Variants in UBAC2 observed in about 807,000 individuals in gnomAD.
The protein encoded by UBAC2 is UBA domain containing 2.
In UBAC2, 26 loss-of-function variants were observed where a neutral mutation model predicts 44.0. The ratio of observed to expected loss-of-function variants is 0.59; its 90% confidence interval spans 0.43 to 0.82. The LOEUF is 0.82. Among genes scored for constraint, UBAC2 ranks in the 40% least tolerant of loss-of-function variants. The pLI, the probability that UBAC2 is intolerant of heterozygous loss-of-function variation, is 0.00. For missense variants in UBAC2, 329 were observed against 419.4 expected, an observed-to-expected ratio of 0.78 and a Z score of 1.88; for synonymous variants, 155 against 154.3, an observed-to-expected ratio of 1.00 and a Z score of -0.04.
At chr13:99,237,566 G>A (rs776288248) in intron 1 of UBAC2, among the ~76,000 whole-genome samples, 2 of 152,192 alleles carry the variant, frequency 1.3e-5, no homozygotes, top group Non-Finnish European at 2.9e-5. Flanking sequence ...GTGTTCAGTA[G>A]GTCAGGAGCG....
At chr13:99,306,527 A>T (rs1160979870) in intron 4 of UBAC2, among the ~76,000 whole-genome samples, 1 of 152,048 alleles carries the variant, frequency 6.6e-6, no homozygotes, top group Non-Finnish European at 1.5e-5. Flanking sequence ...CTCCCCCAAC[A>T]CACACACAAA....
Position 99,242,839 on chromosome 13 carries a change from C to A in UBAC2, c.160-993C>A, listed in dbSNP as rs542587343. Reference sequence around the variant, plus strand: ...GGGGCTCCTCACTTCTCAGACGGGGCGGCCGGGCAGAGACGCTCCTCACCT... The same window carrying A: ...GGGGCTCCTCACTTCTCAGACGGGGAGGCCGGGCAGAGACGCTCCTCACCT... On this transcript the variant is annotated intron_variant, in intron 2 of 8. Transcript: ENST00000403766. 4.2e-3 allele frequency among the ~76,000 whole-genome samples: 611 copies of A among 145,944 alleles called. 2 individuals are homozygous for A. The highest frequency in any genetic ancestry group is 0.015 in the Middle Eastern group (4 of 274).
intron 1 of UBAC2, among the ~76,000 whole-genome samples, chr13:99,227,285 C>G (rs925780313): frequency 1.3e-5 from 2 of 152,128 alleles, no homozygotes; most frequent in Non-Finnish European, 2.9e-5. Flanking sequence ...ATCAGGAACC[C>G]GAGACAAGGC....
Position 99,268,918 on chromosome 13 carries a change from GA to G in UBAC2, c.389+24297del, listed in dbSNP as rs560511072. Among the ~76,000 whole-genome samples, 295 of 152,306 alleles carry G rather than the reference GA, an allele frequency of 1.9e-3. 3 individuals are homozygous for G. Among genetic ancestry groups the G allele is most frequent in the Non-Finnish European group, 3.0e-3 (203 of 68,024 alleles). ...CAGGCATTGCTTACCCCAGAGAGAA[GA>G]AACTGGGGCAGAACTGTCTTCCACT... On this transcript the variant is annotated intron_variant, in intron 4 of 8. Coordinates refer to ENST00000403766, the MANE Select transcript of UBAC2 (RefSeq NM_001144072.2).
At chr13:99,370,661 G>A (rs540013895) in intron 8 of UBAC2, among the ~76,000 whole-genome samples, 3 of 152,314 alleles carry the variant, frequency 2.0e-5, no homozygotes, top group Admixed American at 2.0e-4. Flanking sequence ...GTGCCCCTGG[G>A]CAGGGATCTC....
chr13:99,203,811 G>A (rs2042835411), intron 1 of UBAC2, among the ~76,000 whole-genome samples: 1 of 152,198 alleles, frequency 6.6e-6, no homozygotes, highest in Non-Finnish European at 1.5e-5. Context: ...GGCTCAGATG[G>A]TGTGAAGGAG....
intron 1 of UBAC2, chr13:99,234,440 T>G (rs2043212363): frequency 5.4e-6 from 1 of 185,786 alleles, no homozygotes; most frequent in Admixed American, 5.9e-5. Flanking sequence ...TCCGCCCGCC[T>G]CAGCCTCCCA....
intron 4 of UBAC2, among the ~76,000 whole-genome samples, chr13:99,285,113 GTTACC>G (rs1244832517): frequency 6.6e-6 from 1 of 151,908 alleles, no homozygotes; most frequent in Non-Finnish European, 1.5e-5. Context: ...TAACCATAAT[GTTACC>G]TTACCTAACA....
chr13:99,261,445 G>A (rs1390349531), intron 4 of UBAC2, among the ~76,000 whole-genome samples: 1 of 152,156 alleles, frequency 6.6e-6, no homozygotes, highest in Non-Finnish European at 1.5e-5. Context: ...TAAATGTGTG[G>A]TTTTTCTTAA....
In UBAC2 at chr13:99,329,968, C is replaced by T. The variant is rs545972415; in HGVS notation, c.562-10352C>T. 8.7e-4 allele frequency among the ~76,000 whole-genome samples: 132 copies of T among 152,332 alleles called. 1 individual carries two copies. Among genetic ancestry groups the T allele is most frequent in the African/African-American group, 2.9e-3 (122 of 41,562 alleles). ...AACAATCTTAACAGTATTGAGTTCT[C>T]CAATGCACGAACGTGATAAGTCTCT... On this transcript the variant is annotated intron_variant, in intron 6 of 8. Coordinates refer to ENST00000403766, the MANE Select transcript of UBAC2 (RefSeq NM_001144072.2).
At chr13:99,349,028 T>C (rs2045036548) in intron 7 of UBAC2, among the ~76,000 whole-genome samples, 1 of 152,144 alleles carries the variant, frequency 6.6e-6, no homozygotes, top group South Asian at 2.1e-4. Flanking sequence ...CAGTGAAAAT[T>C]CTGTGTGCTC....
At chr13:99,384,843 G>A (rs1254555837) in intron 8 of UBAC2, among the ~76,000 whole-genome samples, 1 of 152,228 alleles carries the variant, frequency 6.6e-6, no homozygotes, top group Admixed American at 6.5e-5. Flanking sequence ...CCAGGAGTGC[G>A]ATGCCAGGGC....
At chr13:99,248,653 G>A (rs1362695341) in intron 4 of UBAC2, among the ~76,000 whole-genome samples, 1 of 152,160 alleles carries the variant, frequency 6.6e-6, no homozygotes, top group Non-Finnish European at 1.5e-5. Flanking sequence ...AAAGTGCTGG[G>A]ATTACAGGCG....
intron 6 of UBAC2, among the ~76,000 whole-genome samples, chr13:99,333,261 G>A (rs754349070): frequency 2.6e-5 from 4 of 152,212 alleles, no homozygotes; most frequent in Non-Finnish European, 5.9e-5. Flanking sequence ...AGGGTTTTAA[G>A]CACTTTATAT....
Position 99,364,476 on chromosome 13 carries a change from C to T in UBAC2, c.808-3311C>T, listed in dbSNP as rs182747379. Among the ~76,000 whole-genome samples the T allele has an allele frequency of 1.9e-4, 29 of 151,530 alleles. 1 individual carries two copies. The highest frequency in any genetic ancestry group is 1.5e-3 in the Admixed American group (23 of 15,188). On this transcript the variant is annotated intron_variant, in intron 7 of 8. Coordinates refer to ENST00000403766, the MANE Select transcript of UBAC2 (RefSeq NM_001144072.2). The stretch of plus-strand genomic sequence containing the variant: ...ACTATATATTGTATAATTTTTCTTG[C>T]TCATAATGGCCTTGTCTAGTTTTGG...
intron 4 of UBAC2, among the ~76,000 whole-genome samples, chr13:99,256,114 AC>A (rs2043551261): frequency 6.6e-6 from 1 of 152,126 alleles, no homozygotes; most frequent in South Asian, 2.1e-4. Context: ...CTATAGCCCC[AC>A]TGTCTATTGA....
chr13:99,206,048 T>C (rs1264099722), intron 1 of UBAC2: 2 of 153,014 alleles, frequency 1.3e-5, no homozygotes, highest in Non-Finnish European at 2.9e-5. Flanking sequence ...CTTTACTGCC[T>C]GGGCAGCTGG....
At chr13:99,250,984 C>T (rs927267695) in intron 4 of UBAC2, among the ~76,000 whole-genome samples, 4 of 152,054 alleles carry the variant, frequency 2.6e-5, no homozygotes, top group African/African-American at 4.8e-5. Context: ...CTCCTGACCT[C>T]GTGATCAGCC....
chr13:99,370,196 GA>G (rs1223599086), intron 8 of UBAC2, among the ~76,000 whole-genome samples: 1 of 152,204 alleles, frequency 6.6e-6, no homozygotes, highest in African/African-American at 2.4e-5. Flanking sequence ...AAGTATGAAG[GA>G]AAACGGCACC....
Sources: gnomAD v4.1 joint callset for allele counts (sites outside exome capture counted in the v4.1 genomes callset) on GRCh38, gnomAD v4.1.1 for gene constraint, MANE v1.5 for transcripts, NCBI Gene and HGNC (gene_info 2026-07-23, HGNC 2026-07-21) for gene names.